CFAP299: variants seen among roughly 807,000 people sequenced by gnomAD.
CFAP299 encodes cilia and flagella associated protein 299, also known as cilia- and flagella-associated protein 299.
In CFAP299, 21 loss-of-function variants were observed where a neutral mutation model predicts 27.0. That is an observed-to-expected ratio of 0.78 (90% confidence interval 0.55 to 1.12). CFAP299 has a LOEUF of 1.12. Among genes scored for constraint, CFAP299 ranks in the 50% most tolerant of loss-of-function variants. The pLI, the probability that CFAP299 is intolerant of heterozygous loss-of-function variation, is 0.00. For synonymous variants in CFAP299, 104 were observed against 98.1 expected (o/e 1.06, Z -0.36); for missense variants, 310 against 276.6 (o/e 1.12, Z -0.86).
intron 3 of CFAP299, among the ~76,000 whole-genome samples, chr4:80,831,935 C>A (rs1171957880): frequency 1.3e-5 from 2 of 152,088 alleles, no homozygotes; most frequent in Non-Finnish European, 2.9e-5. Flanking sequence ...TAATGATGTT[C>A]CAAACAATTT....
chr4:80,492,599 A>G (rs1298557986), intron 2 of CFAP299, among the ~76,000 whole-genome samples: 1 of 152,222 alleles, frequency 6.6e-6, no homozygotes, highest in African/African-American at 2.4e-5. Context: ...ATAATTATTT[A>G]ATAACACTAG....
At chr4:80,544,956 C>T (rs955851779) in intron 2 of CFAP299, among the ~76,000 whole-genome samples, 18 of 152,290 alleles carry the variant, frequency 1.2e-4, no homozygotes, top group Non-Finnish European at 1.6e-4. Context: ...CAATCATATG[C>T]TTGGCCATAA....
At chr4:80,583,945 A>G (rs1736302639) in intron 3 of CFAP299, among the ~76,000 whole-genome samples, 1 of 151,972 alleles carries the variant, frequency 6.6e-6, no homozygotes, top group South Asian at 2.1e-4. Context: ...TTCTACCAAT[A>G]TTTTCTCAAT....
At chr4:80,752,160 GC>G (rs1560733543) in intron 3 of CFAP299, among the ~76,000 whole-genome samples, 1 of 151,924 alleles carries the variant, frequency 6.6e-6, no homozygotes, top group African/African-American at 2.4e-5. Context: ...TTGGCTCTGT[GC>G]CACTCCCCGG....
intron 2 of CFAP299, among the ~76,000 whole-genome samples, chr4:80,533,901 G>GT (rs1299345824): frequency 6.6e-6 from 1 of 152,028 alleles, no homozygotes; most frequent in Non-Finnish European, 1.5e-5. Context: ...GATCTCTTAT[G>GT]TAAGAAATAA....
chr4:80,737,871 A>G (rs1283005675), intron 3 of CFAP299, among the ~76,000 whole-genome samples: 1 of 152,176 alleles, frequency 6.6e-6, no homozygotes, highest in Non-Finnish European at 1.5e-5. Context: ...TTATAGCTAT[A>G]AACGATCCTC....
At chr4:80,909,283 GT>G (rs1170196288) in intron 4 of CFAP299, among the ~76,000 whole-genome samples, 1 of 151,872 alleles carries the variant, frequency 6.6e-6, no homozygotes, top group Non-Finnish European at 1.5e-5. Context: ...GTAAAAGGGA[GT>G]TTAGTCTTTT....
chr4:80,542,235 T>G (rs1313672791), intron 2 of CFAP299, among the ~76,000 whole-genome samples: 1 of 152,130 alleles, frequency 6.6e-6, no homozygotes, highest in East Asian at 1.9e-4. Flanking sequence ...GGTTTTTGGA[T>G]TTGGACTGAA....
chr4:80,398,215 A>G (rs1298647153), intron 2 of CFAP299, among the ~76,000 whole-genome samples: 1 of 152,246 alleles, frequency 6.6e-6, no homozygotes, highest in East Asian at 1.9e-4. Flanking sequence ...AGATCATTCC[A>G]TGCTCATGGA....
At chr4:80,559,550 T>C (rs1038777472) in intron 2 of CFAP299, among the ~76,000 whole-genome samples, 8 of 152,154 alleles carry the variant, frequency 5.3e-5, no homozygotes, top group African/African-American at 1.9e-4. Context: ...TCTTTAACTT[T>C]ATATCACTAA....
At chr4:80,390,803 AT>A (rs1269174332) in intron 2 of CFAP299, among the ~76,000 whole-genome samples, 1 of 142,324 alleles carries the variant, frequency 7.0e-6, no homozygotes, top group Non-Finnish European at 1.5e-5. Context: ...GTATATGTAT[AT>A]ATGTATACAC....
intron 3 of CFAP299, among the ~76,000 whole-genome samples, chr4:80,744,230 C>G (rs1724452467): frequency 6.6e-6 from 1 of 152,080 alleles, no homozygotes; most frequent in Non-Finnish European, 1.5e-5. Flanking sequence ...ATGAACTTAA[C>G]AGATGTGCTG....
intron 1 of CFAP299, among the ~76,000 whole-genome samples, chr4:80,345,024 C>T (rs1722654529): frequency 6.6e-6 from 1 of 152,132 alleles, no homozygotes; most frequent in Non-Finnish European, 1.5e-5. Flanking sequence ...AGCCCACAGA[C>T]AATATCATAC....
At chr4:80,328,718 A>G in the CFAP299 span, among the ~76,000 whole-genome samples, 1 of 152,194 alleles carries the variant, frequency 6.6e-6, no homozygotes, top group African/African-American at 2.4e-5. Flanking sequence ...ACTGCACGAT[A>G]TGACAAAATT....
chr4:80,582,622 G>T (rs1194502980), intron 2 of CFAP299, among the ~76,000 whole-genome samples: 1 of 151,752 alleles, frequency 6.6e-6, no homozygotes, highest in African/African-American at 2.4e-5. Context: ...GACAAAGATA[G>T]GTCAACCTAG....
At chr4:80,916,176 C>T (rs1235169091) in intron 4 of CFAP299, among the ~76,000 whole-genome samples, 1 of 147,130 alleles carries the variant, frequency 6.8e-6, no homozygotes, top group Non-Finnish European at 1.5e-5. Context: ...GCACGAGAAT[C>T]ACTGAAACCC....
intron 3 of CFAP299, among the ~76,000 whole-genome samples, chr4:80,611,792 T>C (rs900853290): frequency 1.3e-5 from 2 of 152,068 alleles, no homozygotes; most frequent in Non-Finnish European, 2.9e-5. Context: ...CTGAATATGT[T>C]ACCTGAAAAC....
chr4:80,639,358 G>T (rs17004961), intron 3 of CFAP299, among the ~76,000 whole-genome samples: 2 of 152,110 alleles, frequency 1.3e-5, no homozygotes, highest in Non-Finnish European at 2.9e-5. Context: ...ATTTAGGTGA[G>T]GCCAGAAGAA....
chr4:80,329,673 T>C, the CFAP299 span, among the ~76,000 whole-genome samples: 3 of 152,140 alleles, frequency 2.0e-5, no homozygotes, highest in Admixed American at 1.3e-4. Flanking sequence ...AATGCTTCTC[T>C]TAGAAAGTCT....
Sources: gnomAD v4.1 joint callset for allele counts (sites outside exome capture counted in the v4.1 genomes callset) on GRCh38, gnomAD v4.1.1 for gene constraint, MANE v1.5 for transcripts, NCBI Gene and HGNC (gene_info 2026-07-23, HGNC 2026-07-21) for gene names.